The following KDM4C variants were observed in gnomAD, a reference collection of about 807,000 sequenced individuals.
KDM4C encodes lysine-specific demethylase 4C.
KDM4C carries 81 observed loss-of-function variants against 129.3 expected under a neutral mutation model. The ratio of observed to expected loss-of-function variants is 0.63; its 90% CI spans 0.52 to 0.75. KDM4C has a LOEUF of 0.75. Ranked by LOEUF, KDM4C falls within the 30% of genes least tolerant of loss-of-function variation. KDM4C has a pLI of 0.00. For synonymous variants in KDM4C, 573 were observed against 456.1 expected (o/e 1.26, Z -3.26); for missense variants, 1,457 against 1,304.0 (o/e 1.12, Z -1.81).
chr9:6,817,372 T>G (rs906006864), intron 4 of KDM4C, among the ~76,000 whole-genome samples: 4 of 151,946 alleles, frequency 2.6e-5, no homozygotes, highest in African/African-American at 9.7e-5. Flanking sequence ...TAGCTAATTT[T>G]TAAAATGTTT....
chr9:7,084,184 G>A (rs1277655172), intron 17 of KDM4C, among the ~76,000 whole-genome samples: 5 of 152,118 alleles, frequency 3.3e-5, no homozygotes, highest in African/African-American at 9.7e-5. Context: ...AGGTGTTGAC[G>A]ACCTGTGCCA....
chr9:7,156,517 G>A (rs199619376), intron 19 of KDM4C, among the ~76,000 whole-genome samples: 1 of 152,126 alleles, frequency 6.6e-6, no homozygotes, highest in Non-Finnish European at 1.5e-5. Flanking sequence ...TCCATCTTGA[G>A]TTAATTTTTA....
upstream of KDM4C, among the ~76,000 whole-genome samples, chr9:6,755,287 C>A (rs1404951523): frequency 6.6e-6 from 1 of 152,098 alleles, no homozygotes; most frequent in Non-Finnish European, 1.5e-5. Context: ...AGCAGAATGC[C>A]GTGAACCCAG....
intron 3 of KDM4C, among the ~76,000 whole-genome samples, chr9:6,807,327 C>G (rs1477310387): frequency 6.7e-6 from 1 of 149,808 alleles, no homozygotes; most frequent in Non-Finnish European, 1.5e-5. Flanking sequence ...TGAGGAGTGT[C>G]TCTGCCTGGC....
chr9:6,748,552 G>T, intron 1 of KDM4C: 1 of 439,692 alleles, frequency 2.3e-6, no homozygotes, highest in Non-Finnish European at 4.2e-6. Flanking sequence ...AGTATTATTA[G>T]TTTTAATACA....
intron 19 of KDM4C, among the ~76,000 whole-genome samples, chr9:7,146,027 C>T (rs1203894746): frequency 1.3e-5 from 2 of 152,292 alleles, no homozygotes; most frequent in East Asian, 3.9e-4. Flanking sequence ...TTGATCTGGA[C>T]ATTGAACACT....
intron 5 of KDM4C, among the ~76,000 whole-genome samples, chr9:6,874,316 A>G (rs542937849): frequency 2.0e-5 from 3 of 152,234 alleles, no homozygotes; most frequent in Non-Finnish European, 4.4e-5. Flanking sequence ...TTAAACAACA[A>G]TTAGTAAACA....
intron 16 of KDM4C, among the ~76,000 whole-genome samples, chr9:7,047,713 G>A (rs1829606709): frequency 6.6e-6 from 1 of 151,942 alleles, no homozygotes; most frequent in Admixed American, 6.6e-5. Flanking sequence ...ATTTAAAATT[G>A]AGAGATTTTT....
intron 15 of KDM4C, among the ~76,000 whole-genome samples, chr9:7,024,289 GTTTT>G (rs61133083): frequency 7.6e-6 from 1 of 132,408 alleles, no homozygotes; most frequent in African/African-American, 2.8e-5. Flanking sequence ...TAATGTTTTC[GTTTT>G]TTTTTTTTAA....
intron 8 of KDM4C, among the ~76,000 whole-genome samples, chr9:6,917,199 C>T (rs1459690150): frequency 1.3e-5 from 2 of 152,156 alleles, no homozygotes; most frequent in African/African-American, 4.8e-5. Flanking sequence ...GCCTCCCTTA[C>T]TCAGTCTTCT....
chr9:6,789,834 G>A (rs893998912), intron 1 of KDM4C, among the ~76,000 whole-genome samples: 6 of 152,084 alleles, frequency 3.9e-5, no homozygotes, highest in Non-Finnish European at 8.8e-5. Flanking sequence ...GAGGCAGGGA[G>A]AATTCAGAAT....
intron 15 of KDM4C, among the ~76,000 whole-genome samples, chr9:7,028,466 G>C (rs1826166274): frequency 6.6e-6 from 1 of 151,662 alleles, no homozygotes; most frequent in African/African-American, 2.4e-5. Flanking sequence ...CAAGATGCAA[G>C]GCAAAGTCCT....
At chr9:6,837,258 A>G (rs1836044820) in intron 4 of KDM4C, among the ~76,000 whole-genome samples, 1 of 152,128 alleles carries the variant, frequency 6.6e-6, no homozygotes. Flanking sequence ...GGGTTTCGCC[A>G]TGGTGCCCAG....
chr9:6,788,255 T>A (rs930913823), intron 1 of KDM4C, among the ~76,000 whole-genome samples: 4 of 152,204 alleles, frequency 2.6e-5, no homozygotes, highest in African/African-American at 4.8e-5. Context: ...AGGACTTTGT[T>A]CCCTGGTGAA....
chr9:6,731,573 C>A (rs1434206047), intron 1 of KDM4C, among the ~76,000 whole-genome samples: 1 of 151,976 alleles, frequency 6.6e-6, no homozygotes, highest in Non-Finnish European at 1.5e-5. Flanking sequence ...CTCAGGTGAT[C>A]CGCCCACCTC....
chr9:6,722,742 A>C (rs1049083197), intron 1 of KDM4C, among the ~76,000 whole-genome samples: 3 of 151,852 alleles, frequency 2.0e-5, no homozygotes, highest in African/African-American at 4.8e-5. Flanking sequence ...CGAACTCTCA[A>C]CCTCAGGTGA....
At position 7,174,794 on chromosome 9, in the gene KDM4C, CTTGG is replaced by C; in HGVS notation, c.*66_*69del. 2 of 1,420,810 alleles carry C rather than the reference CTTGG, an allele frequency of 1.4e-6. No individual in the cohort carries two copies. Among genetic ancestry groups the C allele is most frequent in the Non-Finnish European group, 2.0e-6 (2 of 1,017,756 alleles). The allele number at this position is 1,420,810 out of a possible 1,614,324, so 88.0% of individuals were successfully genotyped here. A position where few individuals can be genotyped will look rare whatever the true frequency, so the allele number is the denominator to read the frequency against. On this transcript the variant is annotated 3_prime_UTR_variant, in exon 22 of 22. Transcript: ENST00000381309. ...GGAAGAGAGAAGATGAAGGGACATC[CTTGG>C]GGCTGTGCCGTGAGTTTTGCTGGCA... is the stretch of plus-strand genomic sequence containing the variant.
intron 1 of KDM4C, among the ~76,000 whole-genome samples, chr9:6,742,739 G>T (rs970096578): frequency 1.3e-5 from 2 of 151,474 alleles, no homozygotes; most frequent in Non-Finnish European, 2.9e-5. Flanking sequence ...GCAGTGGGGC[G>T]ATCTAAGAAT....
intron 19 of KDM4C, among the ~76,000 whole-genome samples, chr9:7,152,426 G>A (rs1842809267): frequency 2.0e-5 from 3 of 152,144 alleles, no homozygotes; most frequent in Admixed American, 2.0e-4. Flanking sequence ...CAAATAGCAA[G>A]GTACAAAATT....
Sources: gnomAD v4.1 joint callset for allele counts (sites outside exome capture counted in the v4.1 genomes callset) on GRCh38, gnomAD v4.1.1 for gene constraint, MANE v1.5 for transcripts, NCBI Gene and HGNC (gene_info 2026-07-23, HGNC 2026-07-21) for gene names.